The following ZIM2 variants were observed in gnomAD, a reference collection of about 807,000 sequenced individuals.
ZIM2 encodes zinc finger imprinted 2.
Under a neutral mutation model 38.6 loss-of-function variants are expected in ZIM2, and 14 were observed. The observed-to-expected ratio is 0.36, with a 90% CI of 0.24 to 0.57. ZIM2 has a LOEUF of 0.57. Ranked by LOEUF, ZIM2 falls within the 20% of genes least tolerant of loss-of-function variation. The probability of loss-of-function intolerance (pLI) is 0.81; values close to 1 mark genes in which losing one functional copy is unlikely to be tolerated. For missense variants in ZIM2, 680 were observed against 695.1 expected (o/e 0.98, Z 0.24); for synonymous variants, 247 against 245.8 (o/e 1.00, Z -0.04).
chr19:56,828,310 A>C (rs558493191), intron 2 of ZIM2, among the ~76,000 whole-genome samples: 1 of 152,348 alleles, frequency 6.6e-6, no homozygotes, highest in African/African-American at 2.4e-5. Context: ...ATAAATACTT[A>C]TGATATTGCA....
intron 9 of ZIM2, among the ~76,000 whole-genome samples, chr19:56,805,758 A>G (rs2047728801): frequency 6.6e-6 from 1 of 152,210 alleles, no homozygotes; most frequent in South Asian, 2.1e-4. Context: ...AACCAAAGAA[A>G]GGCTGAGGAG....
At chr19:56,786,570 G>C (rs576733494) in intron 10 of ZIM2, among the ~76,000 whole-genome samples, 16 of 152,058 alleles carry the variant, frequency 1.1e-4, no homozygotes, top group Admixed American at 7.9e-4. Context: ...TAAAATTCTG[G>C]ACTATTCTAG....
chr19:56,833,231 T>G, intron 2 of ZIM2: 1 of 500,836 alleles, frequency 2.0e-6, no homozygotes, highest in Non-Finnish European at 4.0e-6. Context: ...TTCTATTTAC[T>G]TACTTTGGTC....
In ZIM2 at chr19:56,822,763, G is replaced by A; in HGVS notation, c.180C>T (p.Asn60=). 6.2e-7 allele frequency: 1 copy of A among 1,614,094 alleles called. No homozygotes were observed. Among genetic ancestry groups the A allele is most frequent in the Non-Finnish European group, 8.5e-7 (1 of 1,180,026 alleles). The change falls in exon 6 of 13, where the codon AAC becomes AAT. Residue 60 remains asparagine (N), a synonymous_variant. Coordinates refer to ENST00000629319, the MANE Select transcript of ZIM2 (RefSeq NM_001387356.1). ...GTGGTTAAGACTCACTGCTTCTTGG[G>A]TTCCTGGTGTGGGACCAGCGGTCTC... ...EPRDRWSHTR[N]PRSRMPPRDL...
intron 12 of ZIM2, among the ~76,000 whole-genome samples, chr19:56,777,864 T>C (rs1568562207): frequency 6.6e-6 from 1 of 152,352 alleles, no homozygotes; most frequent in Non-Finnish European, 1.5e-5. Context: ...GGGCTGGCCC[T>C]TGACTATCTC....
intron 9 of ZIM2, chr19:56,816,453 C>T (rs1477443571): frequency 5.0e-6 from 8 of 1,613,884 alleles, no homozygotes; most frequent in Non-Finnish European, 6.8e-6. Flanking sequence ...TAAAGGTTTC[C>T]TCACACACTT....
intron 1 of ZIM2, among the ~76,000 whole-genome samples, chr19:56,837,106 T>C (rs1052064385): frequency 1.3e-5 from 2 of 150,752 alleles, no homozygotes; most frequent in Non-Finnish European, 2.9e-5. Context: ...CAGGGCTAGG[T>C]AAGTGAGCTC....
chr19:56,823,489 G>T, intron 5 of ZIM2, 101 bp downstream of exon 5: 1 of 1,363,056 alleles, frequency 7.3e-7, no homozygotes, highest in Non-Finnish European at 1.0e-6. Flanking sequence ...ACCACTCGGG[G>T]ATGGCGGGTC....
At chr19:56,787,270 CT>C (rs1568571633) in intron 10 of ZIM2, among the ~76,000 whole-genome samples, 1 of 151,814 alleles carries the variant, frequency 6.6e-6, no homozygotes. Flanking sequence ...TATTAAAAAT[CT>C]TTTTTGGTTT....
chr19:56,810,738 G>C (rs1025049986), intron 9 of ZIM2: 1 of 983,752 alleles, frequency 1.0e-6, no homozygotes, highest in Admixed American at 6.2e-5. Context: ...ATTTAACACT[G>C]TTATCACAAG....
intron 9 of ZIM2, chr19:56,816,649 C>CGTTCAT: frequency 1.2e-6 from 2 of 1,613,514 alleles, no homozygotes; most frequent in Non-Finnish European, 1.7e-6. Flanking sequence ...TTCACGTTCA[C>CGTTCAT]GTTCATGTTC....
rs772779692 is a variant in ZIM2 at position 56,814,329 on chromosome 19, GGCT to G, written c.490+3414_490+3416del. ...CATGGACATTGGCTTCAACTTCCTG[GGCT>G]GCTGCTGCTGCAGCTGCTGCTGCTT... On this transcript the variant is annotated intron_variant, in intron 9 of 12. Transcript: ENST00000629319. The surrounding 1 kb of genome is among the most constrained non-coding windows in gnomAD (Gnocchi z 5.8). 2.5e-6 allele frequency: 4 copies of G among 1,613,796 alleles called. No individual in the cohort carries two copies. Among genetic ancestry groups the G allele is most frequent in the East Asian group, 2.2e-5 (1 of 44,868 alleles).
At chr19:56,795,513 C>T (rs1017254908) in intron 9 of ZIM2, among the ~76,000 whole-genome samples, 10 of 152,240 alleles carry the variant, frequency 6.6e-5, no homozygotes, top group Non-Finnish European at 1.5e-4. Context: ...CACGCCCTGA[C>T]CAAAACCAGC....
At chr19:56,828,288 C>G (rs2061254709) in intron 2 of ZIM2, among the ~76,000 whole-genome samples, 1 of 152,188 alleles carries the variant, frequency 6.6e-6, no homozygotes, top group African/African-American at 2.4e-5. Context: ...ACTTTGAAAC[C>G]TGTTAGACCC....
intron 5 of ZIM2, 149 bp from the exon 6 acceptor site, chr19:56,822,985 C>T: frequency 9.6e-7 from 1 of 1,046,866 alleles, no homozygotes; most frequent in Non-Finnish European, 1.4e-6. Context: ...TTCCCAGGCT[C>T]ATCTGGCCCC....
chr19:56,806,019 G>A (rs1173596695), intron 9 of ZIM2, among the ~76,000 whole-genome samples: 1 of 152,152 alleles, frequency 6.6e-6, no homozygotes, highest in African/African-American at 2.4e-5. Context: ...AGTATTCAGA[G>A]GTGAGCTTTG....
At chr19:56,790,434 G>A (rs944567904) in intron 9 of ZIM2, among the ~76,000 whole-genome samples, 1 of 152,164 alleles carries the variant, frequency 6.6e-6, no homozygotes, top group Non-Finnish European at 1.5e-5. Flanking sequence ...TTCTGGTGAT[G>A]AAATCTCACA....
At chr19:56,836,740 G>A (rs968739315) in intron 1 of ZIM2, among the ~76,000 whole-genome samples, 2 of 152,252 alleles carry the variant, frequency 1.3e-5, no homozygotes, top group East Asian at 3.9e-4. Flanking sequence ...AGGCCAAGGC[G>A]GGCAGATCAC....
intron 7 of ZIM2, 114 bp from the exon 8 acceptor site, chr19:56,818,816 C>T (rs557146553): frequency 7.3e-5 from 89 of 1,221,802 alleles, no homozygotes; most frequent in Middle Eastern, 5.5e-4. Context: ...GAAGTGCTCA[C>T]GGTATTGGGG....
Sources: allele counts gnomAD v4.1 joint callset (sites outside exome capture counted in the v4.1 genomes callset), GRCh38; gene constraint gnomAD v4.1.1; non-coding constraint Gnocchi (gnomAD v3.1); transcripts MANE v1.5; gene names NCBI Gene and HGNC (gene_info 2026-07-23, HGNC 2026-07-21).